The following PSMD14 variants were observed in gnomAD, a reference collection of about 807,000 sequenced individuals.
The protein encoded by PSMD14 is ubiquitin C-terminal hydrolase PSMD14.
PSMD14 carries 7 observed loss-of-function variants against 41.2 expected under a neutral mutation model. The observed-to-expected ratio is 0.17, with a 90% CI of 0.10 to 0.32. The LOEUF (loss-of-function observed/expected upper bound fraction) is 0.32, where lower values mean the gene tolerates loss of function less well. PSMD14 is among the 10% of genes least tolerant of loss of function. The pLI is 1.00. For synonymous variants in PSMD14, 114 were observed against 122.3 expected, an observed-to-expected ratio of 0.93 and a Z score of 0.45; for missense variants, 139 against 375.6, an observed-to-expected ratio of 0.37 and a Z score of 5.21.
At chr2:161,382,916 T>C (rs1286287549) in intron 7 of PSMD14, 2 of 151,730 alleles carry the variant, frequency 1.3e-5, no homozygotes, top group Non-Finnish European at 3.0e-5. Context: ...GTTCAGTGTG[T>C]TATATCTAAG....
chr2:161,348,501 A>G (rs989463430), intron 3 of PSMD14, among the ~76,000 whole-genome samples: 7 of 152,246 alleles, frequency 4.6e-5, no homozygotes, highest in Non-Finnish European at 1.0e-4. Context: ...TCAGTAGGAG[A>G]ATGTGTACAT....
intron 10 of PSMD14, among the ~76,000 whole-genome samples, chr2:161,397,944 G>T (rs1683824319): frequency 6.6e-6 from 1 of 152,154 alleles, no homozygotes; most frequent in Non-Finnish European, 1.5e-5. Flanking sequence ...AAAAAGTTAT[G>T]ACTTAAGTAA....
Position 161,317,509 on chromosome 2 carries a change from A to G in PSMD14, c.-5+940A>G, listed in dbSNP as rs556200190. Among the ~76,000 whole-genome samples, 38 of 152,296 alleles carry G rather than the reference A, an allele frequency of 2.5e-4. No individual in the cohort carries two copies. In the South Asian group the frequency reaches 3.3e-3, roughly 13 times the overall value. Reference sequence around the variant, plus strand: ...CTTGGGTGGCGTTTCTGAGGTGCCAATAATGTTCTGTTTCTTGAACTAGGT... The same window carrying G: ...CTTGGGTGGCGTTTCTGAGGTGCCAGTAATGTTCTGTTTCTTGAACTAGGT... On this transcript the variant is annotated intron_variant, in intron 2 of 11. Transcript: ENST00000409682.
Position 161,318,904 on chromosome 2 carries a change from G to T in PSMD14, c.48+31G>T, listed in dbSNP as rs747304003. The T allele has an allele frequency of 8.2e-6, 13 of 1,578,250 alleles. No individual in the cohort carries two copies. In the Admixed American group the frequency reaches 1.6e-4, roughly 19 times the overall value. ...TATATAGTCTCTTGAGCATTTCCTT[G>T]TGTGTAAACTACAAGCCTTTTTGTA... On this transcript the variant is annotated intron_variant, in intron 3 of 11. Transcript: ENST00000409682.
chr2:161,400,688 G>A (rs930151948), intron 10 of PSMD14, among the ~76,000 whole-genome samples: 2 of 152,032 alleles, frequency 1.3e-5, no homozygotes, highest in Non-Finnish European at 2.9e-5. Context: ...CAAGTAGCTG[G>A]GACTACAGGC....
Position 161,309,216 on chromosome 2 carries a change from A to G in PSMD14, c.-138+612A>G, listed in dbSNP as rs941950076. 9.2e-5 allele frequency among the ~76,000 whole-genome samples: 14 copies of G among 151,916 alleles called. No homozygotes were observed. In the East Asian group the frequency reaches 2.5e-3, roughly 27 times the overall value. On this transcript the variant is annotated intron_variant, in intron 1 of 11. Transcript: ENST00000409682. The stretch of plus-strand genomic sequence containing the variant: ...ATTGATTACATTTCTCGTTTTAAGT[A>G]AAGTAGAAATCTGCTACCGTATGTT...
Position 161,411,527 on chromosome 2 carries a change from C to A in PSMD14, c.*127C>A. ...AAGACATCTGGCATCATTTGCAGCA[C>A]TGTAACACCTTCAGTCTCAGTTGTG... On this transcript the variant is annotated 3_prime_UTR_variant, in exon 12 of 12. Transcript: ENST00000409682. 2.0e-6 allele frequency: 1 copy of A among 501,856 alleles called. No homozygotes were observed. The allele number at this position is 501,856 out of a possible 1,614,324, so 31.1% of individuals were successfully genotyped here. A position where few individuals can be genotyped will look rare whatever the true frequency, so the allele number is the denominator to read the frequency against.
At chr2:161,377,917 A>T (rs192952835) in intron 7 of PSMD14, among the ~76,000 whole-genome samples, 3 of 152,054 alleles carry the variant, frequency 2.0e-5, no homozygotes, top group African/African-American at 4.8e-5. Flanking sequence ...GAAGAATACG[A>T]TCTACTCCCT....
chr2:161,360,187 A>G (rs999660423), intron 3 of PSMD14, among the ~76,000 whole-genome samples: 77 of 124,438 alleles, frequency 6.2e-4, no homozygotes, highest in Admixed American at 3.1e-4. Context: ...ATATATATGC[A>G]TGTATTTTTT....
intron 3 of PSMD14, among the ~76,000 whole-genome samples, chr2:161,326,978 A>G (rs992775352): frequency 3.3e-5 from 5 of 151,770 alleles, no homozygotes; most frequent in African/African-American, 9.7e-5. Flanking sequence ...GAATCTGTGG[A>G]TGAGAAACCT....
At chr2:161,324,764 G>A (rs779174514) in intron 3 of PSMD14, among the ~76,000 whole-genome samples, 6 of 151,886 alleles carry the variant, frequency 4.0e-5, no homozygotes, top group Admixed American at 1.3e-4. Context: ...GAGATTAAAG[G>A]CAAAGTCATC....
At chr2:161,367,755 T>C in intron 4 of PSMD14, 29 bp from the exon 5 acceptor site, 2 of 1,605,832 alleles carry the variant, frequency 1.2e-6, no homozygotes, top group South Asian at 1.1e-5. Context: ...CGAAATTTGC[T>C]TTGTGTCCAC....
chr2:161,393,403 C>T (rs898375104), intron 9 of PSMD14, among the ~76,000 whole-genome samples: 1 of 152,086 alleles, frequency 6.6e-6, no homozygotes, highest in Admixed American at 6.6e-5. Flanking sequence ...GCATACTGTC[C>T]TTACCCCTGG....
chr2:161,356,634 C>A lies in PSMD14; in HGVS notation c.49-10844C>A, dbSNP rs77459771. 1.3e-3 allele frequency among the ~76,000 whole-genome samples: 203 copies of A among 151,660 alleles called. 2 individuals carry two copies. In the East Asian group the frequency reaches 0.036, roughly 27 times the overall value. On this transcript the variant is annotated intron_variant, in intron 3 of 11. Coordinates refer to ENST00000409682, the MANE Select transcript of PSMD14 (RefSeq NM_005805.6). ...TTCATTTGTTCCTAAAGCCTATTTT[C>A]TTTTTTGTTATAAAGCATATATTTT...
chr2:161,373,943 A>C (rs1683472093), intron 7 of PSMD14, among the ~76,000 whole-genome samples: 1 of 151,898 alleles, frequency 6.6e-6, no homozygotes, highest in Non-Finnish European at 1.5e-5. Flanking sequence ...TCTTTGTTAT[A>C]ATCCTAAAGA....
chr2:161,337,719 C>CA (rs1352337566), intron 3 of PSMD14, among the ~76,000 whole-genome samples: 1 of 152,162 alleles, frequency 6.6e-6, no homozygotes, highest in Non-Finnish European at 1.5e-5. Context: ...GTATATTTTT[C>CA]AAAGTGTATA....
chr2:161,378,137 G>A (rs1683525918), intron 7 of PSMD14, among the ~76,000 whole-genome samples: 1 of 151,884 alleles, frequency 6.6e-6, no homozygotes, highest in South Asian at 2.1e-4. Context: ...TCTAAAGAGG[G>A]TAAAAATGAA....
chr2:161,341,322 T>C, intron 3 of PSMD14: 4 of 1,016,026 alleles, frequency 3.9e-6, no homozygotes, highest in Non-Finnish European at 4.7e-6. Context: ...GGCCGGCGCC[T>C]CCATCGCGCC....
At chr2:161,373,186 A>T (rs982895330) in intron 7 of PSMD14, among the ~76,000 whole-genome samples, 22 of 151,896 alleles carry the variant, frequency 1.4e-4, no homozygotes, top group African/African-American at 5.1e-4. Flanking sequence ...TCATTTAAAA[A>T]TATGTATGTG....
Sources: gnomAD v4.1 joint callset for allele counts (sites outside exome capture counted in the v4.1 genomes callset) on GRCh38, gnomAD v4.1.1 for gene constraint, MANE v1.5 for transcripts, NCBI Gene and HGNC (gene_info 2026-07-23, HGNC 2026-07-21) for gene names.